PITPNC1: variants seen among roughly 807,000 people sequenced by gnomAD.
PITPNC1 encodes phosphatidylinositol transfer protein cytoplasmic 1, also known as cytoplasmic phosphatidylinositol transfer protein 1.
Under a neutral mutation model 44.7 loss-of-function variants are expected in PITPNC1, and 18 were observed. The ratio of observed to expected loss-of-function variants is 0.40; its 90% CI spans 0.28 to 0.60. PITPNC1 has a LOEUF of 0.60. Among genes scored for constraint, PITPNC1 ranks in the 20% least tolerant of loss-of-function variants. PITPNC1 has a pLI of 0.39. For missense variants in PITPNC1, 290 were observed against 418.4 expected (o/e 0.69, Z 2.68); for synonymous variants, 141 against 149.6 (o/e 0.94, Z 0.42).
At chr17:67,561,272 A>G (rs1279879875) in intron 4 of PITPNC1, among the ~76,000 whole-genome samples, 2 of 152,204 alleles carry the variant, frequency 1.3e-5, no homozygotes, top group Non-Finnish European at 2.9e-5. Flanking sequence ...CCTGGCCAAC[A>G]TGGCGAAACC....
intron 1 of PITPNC1, among the ~76,000 whole-genome samples, chr17:67,456,633 GT>G (rs1242486329): frequency 2.0e-5 from 3 of 151,350 alleles, no homozygotes; most frequent in Admixed American, 2.0e-4. Context: ...CCCCCACCCA[GT>G]TTTTTTCTTA....
At chr17:67,632,324 G>GCACTTA in intron 6 of PITPNC1, 86 bp downstream of exon 6, 1 of 844,800 alleles carries the variant, frequency 1.2e-6, no homozygotes, top group Non-Finnish European at 2.0e-6. Context: ...AACTTGGGAG[G>GCACTTA]ATGCCATCTC....
rs903958958 is a variant in PITPNC1, at chr17:67,432,705, A to G, written c.48+54503A>G. On this transcript the variant is annotated intron_variant, in intron 1 of 8. Transcript: ENST00000581322. ...AGGCTTTGTGAACATTATCTCATGT[A>G]ATCCTAAAACAAAACAAAACAGAAC... Among the ~76,000 whole-genome samples, 5 of 152,204 alleles carry G rather than the reference A, an allele frequency of 3.3e-5. No homozygotes were observed. In the East Asian group the frequency reaches 9.6e-4, roughly 29 times the overall value.
chr17:67,468,019 C>A (rs2039453346), intron 1 of PITPNC1, among the ~76,000 whole-genome samples: 3 of 152,162 alleles, frequency 2.0e-5, no homozygotes, highest in African/African-American at 7.2e-5. Flanking sequence ...GGGCCTCTGC[C>A]CTTTTATTGT....
intron 1 of PITPNC1, among the ~76,000 whole-genome samples, chr17:67,398,570 T>C (rs1303195110): frequency 6.6e-6 from 1 of 152,074 alleles, no homozygotes; most frequent in African/African-American, 2.4e-5. Flanking sequence ...GAGTTGCAGT[T>C]TTTGGTGCAT....
chr17:67,500,363 T>C (rs1425346819), intron 1 of PITPNC1, among the ~76,000 whole-genome samples: 1 of 152,178 alleles, frequency 6.6e-6, no homozygotes, highest in African/African-American at 2.4e-5. Flanking sequence ...GGATGGACCA[T>C]GAAAACATCA....
At chr17:67,389,591 A>G (rs2038106224) in intron 1 of PITPNC1, among the ~76,000 whole-genome samples, 1 of 152,214 alleles carries the variant, frequency 6.6e-6, no homozygotes, top group Non-Finnish European at 1.5e-5. Flanking sequence ...TGATGGCCAT[A>G]GTTGCACAAG....
intron 8 of PITPNC1, among the ~76,000 whole-genome samples, chr17:67,683,692 G>A (rs1045932264): frequency 1.3e-5 from 2 of 151,930 alleles, no homozygotes; most frequent in South Asian, 2.1e-4. Flanking sequence ...AAATAATAGG[G>A]GATGGCTGGG....
intron 1 of PITPNC1, among the ~76,000 whole-genome samples, chr17:67,514,130 G>A (rs2040227640): frequency 6.6e-6 from 1 of 152,098 alleles, no homozygotes; most frequent in African/African-American, 2.4e-5. Flanking sequence ...GTGTGGGGAG[G>A]GGGACACCAA....
At chr17:67,441,538 C>T (rs916135388) in intron 1 of PITPNC1, among the ~76,000 whole-genome samples, 1 of 152,184 alleles carries the variant, frequency 6.6e-6, no homozygotes. Context: ...AACTGGAAAG[C>T]AGCTCATTCA....
At chr17:67,528,284 C>T (rs927855731) in intron 1 of PITPNC1, among the ~76,000 whole-genome samples, 1 of 152,182 alleles carries the variant, frequency 6.6e-6, no homozygotes, top group Admixed American at 6.5e-5. Flanking sequence ...TCAGGTGATC[C>T]GCCTGCCTCG....
intron 1 of PITPNC1, among the ~76,000 whole-genome samples, chr17:67,401,475 C>T (rs2038309912): frequency 6.6e-6 from 1 of 152,154 alleles, no homozygotes; most frequent in African/African-American, 2.4e-5. Flanking sequence ...CTCCTTAGAG[C>T]TTTCAGGATC....
intron 5 of PITPNC1, among the ~76,000 whole-genome samples, chr17:67,630,296 T>A (rs1042774621): frequency 1.3e-4 from 20 of 152,202 alleles, no homozygotes; most frequent in Non-Finnish European, 2.6e-4. Flanking sequence ...AGTTAAGACT[T>A]CCTCTAAGAA....
intron 1 of PITPNC1, among the ~76,000 whole-genome samples, chr17:67,525,865 C>T (rs1040157690): frequency 1.3e-5 from 2 of 152,200 alleles, no homozygotes; most frequent in South Asian, 2.1e-4. Context: ...CAGTGTGAGG[C>T]AGGAATCACA....
At chr17:67,571,681 C>T (rs903724801) in intron 4 of PITPNC1, among the ~76,000 whole-genome samples, 11 of 152,208 alleles carry the variant, frequency 7.2e-5, no homozygotes, top group Admixed American at 2.0e-4. Flanking sequence ...GGTTCTTCTC[C>T]GGCTGTCACT....
At chr17:67,485,707 G>T (rs1367981728) in intron 1 of PITPNC1, among the ~76,000 whole-genome samples, 1 of 152,102 alleles carries the variant, frequency 6.6e-6, no homozygotes, top group Non-Finnish European at 1.5e-5. Flanking sequence ...GTAAGATCAG[G>T]AGTTGAGGGA....
At chr17:67,652,647 C>T (rs1192919562) in intron 6 of PITPNC1, among the ~76,000 whole-genome samples, 2 of 152,228 alleles carry the variant, frequency 1.3e-5, no homozygotes, top group African/African-American at 4.8e-5. Flanking sequence ...TCCCCACCAG[C>T]CAGCTGCCGG....
chr17:67,618,439 C>T (rs959629571), intron 5 of PITPNC1, among the ~76,000 whole-genome samples: 4 of 150,376 alleles, frequency 2.7e-5, no homozygotes, highest in Non-Finnish European at 5.9e-5. Context: ...TATTTGACTG[C>T]ATTTTTCGAA....
intron 1 of PITPNC1, among the ~76,000 whole-genome samples, chr17:67,523,804 A>AC (rs199854917): frequency 0.71 from 76,612 of 108,142 alleles, 28,144 homozygotes; most frequent in East Asian, 0.73. Flanking sequence ...ATACATGGAA[A>AC]CCGTTTTTTT....
Sources: allele counts gnomAD v4.1 joint callset (sites outside exome capture counted in the v4.1 genomes callset), GRCh38; gene constraint gnomAD v4.1.1; transcripts MANE v1.5; gene names NCBI Gene and HGNC (gene_info 2026-07-23, HGNC 2026-07-21).